The following DNAJC6 variants were observed in gnomAD, a reference collection of about 807,000 sequenced individuals.
DNAJC6 encodes the protein DnaJ heat shock protein family (Hsp40) member C6, also known as auxilin.
Under a neutral mutation model 110.0 loss-of-function variants are expected in DNAJC6, and 34 were observed. The ratio of observed to expected loss-of-function variants is 0.31; its 90% CI spans 0.24 to 0.41. DNAJC6 has a LOEUF of 0.41. Among genes scored for constraint, DNAJC6 ranks in the 10% least tolerant of loss-of-function variants. DNAJC6 has a pLI of 1.00. For synonymous variants in DNAJC6, 406 were observed against 437.2 expected (o/e 0.93, Z 0.89); for missense variants, 1,031 against 1,207.8 (o/e 0.85, Z 2.17).
At chr1:65,280,033 C>T (rs554740659) in intron 1 of DNAJC6, among the ~76,000 whole-genome samples, 5 of 152,130 alleles carry the variant, frequency 3.3e-5, no homozygotes, top group African/African-American at 1.2e-4. Context: ...ATAGTAATAC[C>T]TAATAAGGTT....
At chr1:65,343,022 C>T (rs756276124) in intron 1 of DNAJC6, among the ~76,000 whole-genome samples, 1 of 152,198 alleles carries the variant, frequency 6.6e-6, no homozygotes, top group African/African-American at 2.4e-5. Context: ...TCTTTATCTA[C>T]TCATTTGAAG....
At position 65,365,760 on chromosome 1, in the gene DNAJC6, G is replaced by C; in HGVS notation, c.345-125G>C. 3 of 997,992 alleles carry C rather than the reference G, an allele frequency of 3.0e-6. 1 individual carries two copies. The highest frequency in any genetic ancestry group is 4.5e-6 in the Non-Finnish European group (3 of 659,900). 61.8% of individuals were successfully genotyped at this position (997,992 alleles called of 1,614,324 possible). ...CCTTCCTTGTTGGAGAGAAGGGCTG[G>C]AGGGGAGTCGAAACATGCCCCCTGG... On this transcript the variant is annotated intron_variant, in intron 2 of 18. Coordinates refer to ENST00000371069, the MANE Select transcript of DNAJC6 (RefSeq NM_001256864.2).
intron 1 of DNAJC6, among the ~76,000 whole-genome samples, chr1:65,315,160 A>G (rs977535906): frequency 2.0e-5 from 3 of 152,210 alleles, no homozygotes; most frequent in African/African-American, 7.2e-5. Flanking sequence ...ATTTTTGAGA[A>G]CAGGTACTAA....
intron 12 of DNAJC6, among the ~76,000 whole-genome samples, chr1:65,394,497 G>A (rs952976248): frequency 6.6e-6 from 1 of 152,160 alleles, no homozygotes; most frequent in Non-Finnish European, 1.5e-5. Flanking sequence ...TAAATTTTGA[G>A]CTCTTGTCTT....
intron 4 of DNAJC6, among the ~76,000 whole-genome samples, chr1:65,376,771 T>A (rs200932927): frequency 2.3e-5 from 3 of 129,052 alleles, no homozygotes; most frequent in Admixed American, 7.5e-5. Flanking sequence ...TTATTTATTT[T>A]ATTTATTTAT....
At chr1:65,304,398 T>C (rs1645018641) in intron 1 of DNAJC6, among the ~76,000 whole-genome samples, 1 of 152,200 alleles carries the variant, frequency 6.6e-6, no homozygotes, top group African/African-American at 2.4e-5. Context: ...GCTTTATATG[T>C]CGCTCTTGAC....
At chr1:65,337,170 T>C (rs1557528581) in intron 1 of DNAJC6, among the ~76,000 whole-genome samples, 1 of 149,992 alleles carries the variant, frequency 6.7e-6, no homozygotes, top group Non-Finnish European at 1.5e-5. Context: ...AGATTAGCTT[T>C]TTGCAAGACT....
chr1:65,345,298 C>T (rs550564277), intron 1 of DNAJC6, among the ~76,000 whole-genome samples: 2 of 150,130 alleles, frequency 1.3e-5, no homozygotes, highest in African/African-American at 4.9e-5. Flanking sequence ...CTCCACTTTC[C>T]CATATAGAAA....
At chr1:65,277,837 G>T (rs976451119) in intron 1 of DNAJC6, among the ~76,000 whole-genome samples, 1 of 152,182 alleles carries the variant, frequency 6.6e-6, no homozygotes, top group Non-Finnish European at 1.5e-5. Context: ...ATCTCTCGAG[G>T]CAGTCTCCTG....
Position 65,392,784 on chromosome 1 carries a change from A to T in DNAJC6, c.1822A>T (p.Ser608Cys). ...AGGAGTGGAAGATGTGTTTCATCCT[A>T]GTGGACCTGCGTCTACCCAGTCAAC... ...QSGVEDVFHP[S>C]GPASTQSTPR... Residue 608 changes from serine (S) to cysteine (C), a missense_variant, in exon 12 of 19, where the codon AGT becomes TGT. Ser to Cys is a moderately radical substitution (Grantham distance 112, BLOSUM62 -1). Coordinates refer to ENST00000371069, the MANE Select transcript of DNAJC6 (RefSeq NM_001256864.2). 1 of 1,608,192 alleles carries T rather than the reference A, an allele frequency of 6.2e-7. No individual in the cohort carries two copies. The highest frequency in any genetic ancestry group is 1.1e-5 in the South Asian group (1 of 89,788).
intron 15 of DNAJC6, among the ~76,000 whole-genome samples, chr1:65,402,477 C>CTAG (rs1646039454): frequency 6.6e-6 from 1 of 152,104 alleles, no homozygotes; most frequent in Non-Finnish European, 1.5e-5. Context: ...TTTTGATTAC[C>CTAG]ACTAAGAGGG....
chr1:65,357,094 C>T (rs1465444631), intron 1 of DNAJC6, among the ~76,000 whole-genome samples: 1 of 152,184 alleles, frequency 6.6e-6, no homozygotes, highest in African/African-American at 2.4e-5. Flanking sequence ...TTGCCAAGCA[C>T]TGTGAAGGAA....
chr1:65,301,249 C>T (rs1644975629), intron 1 of DNAJC6, among the ~76,000 whole-genome samples: 1 of 152,178 alleles, frequency 6.6e-6, no homozygotes, highest in Non-Finnish European at 1.5e-5. Flanking sequence ...GAAAAACACA[C>T]TCAAAGTGCC....
At chr1:65,364,886 GA>G in intron 2 of DNAJC6, 101 bp downstream of exon 2, 1 of 1,461,422 alleles carries the variant, frequency 6.8e-7, no homozygotes, top group Middle Eastern at 1.8e-4. Flanking sequence ...TCAATTTTGG[GA>G]TATAATTTTA....
chr1:65,338,416 G>C (rs1282358041), intron 1 of DNAJC6, among the ~76,000 whole-genome samples: 1 of 152,042 alleles, frequency 6.6e-6, no homozygotes. Flanking sequence ...CAGTTACTTT[G>C]TATCTTAAAG....
intron 1 of DNAJC6, among the ~76,000 whole-genome samples, chr1:65,356,799 C>T (rs764021078): frequency 3.9e-5 from 6 of 151,952 alleles, no homozygotes; most frequent in Admixed American, 6.6e-5. Flanking sequence ...AAATGACATA[C>T]TCAAGGTCAC....
chr1:65,339,786 T>G (rs966610884), intron 1 of DNAJC6, among the ~76,000 whole-genome samples: 1 of 152,126 alleles, frequency 6.6e-6, no homozygotes, highest in African/African-American at 2.4e-5. Context: ...CACTTGCAGG[T>G]GGCCAACTTG....
intron 16 of DNAJC6, among the ~76,000 whole-genome samples, chr1:65,407,492 C>G (rs1180648270): frequency 6.6e-6 from 1 of 152,156 alleles, no homozygotes; most frequent in African/African-American, 2.4e-5. Context: ...CAATCTGGCT[C>G]CAGAACCCCT....
intron 1 of DNAJC6, among the ~76,000 whole-genome samples, chr1:65,327,366 A>C (rs1645250750): frequency 6.6e-6 from 1 of 152,194 alleles, no homozygotes; most frequent in South Asian, 2.1e-4. Flanking sequence ...GGTCATAGAG[A>C]ATATGAATAT....
Sources: allele counts gnomAD v4.1 joint callset (sites outside exome capture counted in the v4.1 genomes callset), GRCh38; gene constraint gnomAD v4.1.1; transcripts MANE v1.5; gene names NCBI Gene and HGNC (gene_info 2026-07-23, HGNC 2026-07-21).